The following CCSER1 variants were observed in gnomAD, a reference collection of about 807,000 sequenced individuals.
The protein encoded by CCSER1 is serine-rich coiled-coil domain-containing protein 1.
CCSER1 carries 41 observed loss-of-function variants against 82.0 expected under a neutral mutation model. The ratio of observed to expected loss-of-function variants is 0.50; its 90% CI spans 0.39 to 0.65. The LOEUF (loss-of-function observed/expected upper bound fraction) is 0.65, where lower values mean the gene tolerates loss of function less well. Ranked by LOEUF, CCSER1 falls within the 30% of genes least tolerant of loss-of-function variation. The pLI, the probability that CCSER1 is intolerant of heterozygous loss-of-function variation, is 0.00. For synonymous variants in CCSER1, 414 were observed against 383.9 expected (o/e 1.08, Z -0.92); for missense variants, 1,119 against 1,064.2 (o/e 1.05, Z -0.72).
intron 5 of CCSER1, among the ~76,000 whole-genome samples, chr4:90,583,897 C>G (rs1781696623): frequency 6.6e-6 from 1 of 151,622 alleles, no homozygotes; most frequent in South Asian, 2.1e-4. Flanking sequence ...TTGAAATATG[C>G]AGCAATTTAA....
chr4:90,978,312 T>C (rs1196048137), intron 9 of CCSER1, among the ~76,000 whole-genome samples: 3 of 151,586 alleles, frequency 2.0e-5, no homozygotes, highest in African/African-American at 7.3e-5. Context: ...TTCAAAGAAT[T>C]AATGTACACA....
At chr4:91,218,519 A>C (rs986412344) in intron 10 of CCSER1, among the ~76,000 whole-genome samples, 5 of 152,242 alleles carry the variant, frequency 3.3e-5, no homozygotes, top group African/African-American at 1.2e-4. Context: ...GACTGCCAGC[A>C]TGCTGTCACC....
chr4:91,444,506 A>C (rs537713979), intron 10 of CCSER1, among the ~76,000 whole-genome samples: 1 of 151,846 alleles, frequency 6.6e-6, no homozygotes, highest in African/African-American at 2.4e-5. Flanking sequence ...CTGGAGTGCA[A>C]TGGCACCATC....
chr4:90,351,783 A>G (rs1743493875), intron 3 of CCSER1, among the ~76,000 whole-genome samples: 1 of 152,106 alleles, frequency 6.6e-6, no homozygotes, highest in African/African-American at 2.4e-5. Context: ...TTTTTTGTCT[A>G]CTTTTTTGTC....
intron 10 of CCSER1, among the ~76,000 whole-genome samples, chr4:91,488,706 C>A (rs1299472349): frequency 1.3e-5 from 2 of 152,180 alleles, no homozygotes; most frequent in African/African-American, 4.8e-5. Context: ...CCTGAGGCCT[C>A]CTCAGCCATG....
chr4:91,507,586 C>A (rs571931185), intron 10 of CCSER1, among the ~76,000 whole-genome samples: 1 of 151,262 alleles, frequency 6.6e-6, no homozygotes. Flanking sequence ...ACATCTTTTG[C>A]CCATCTTTTT....
At chr4:91,315,848 TATC>T (rs1033493018) in intron 10 of CCSER1, among the ~76,000 whole-genome samples, 2 of 151,984 alleles carry the variant, frequency 1.3e-5, no homozygotes, top group South Asian at 2.1e-4. Flanking sequence ...TTGGGCAAGT[TATC>T]TGAGTTCTCT....
chr4:90,643,871 G>A (rs1416227622), intron 6 of CCSER1, among the ~76,000 whole-genome samples: 1 of 152,126 alleles, frequency 6.6e-6, no homozygotes, highest in Non-Finnish European at 1.5e-5. Context: ...GTCTGGCAAT[G>A]GAAGGATCTA....
In CCSER1 at chr4:91,412,188, C is replaced by G. The variant is rs553749316; in HGVS notation, c.2218-186384C>G. Among the ~76,000 whole-genome samples the G allele has an allele frequency of 4.6e-5, 7 of 152,196 alleles. No individual in the cohort carries two copies. The East Asian group carries it at 9.7e-4, about 21-fold the overall frequency. Reference sequence around the variant, plus strand: ...TCTAATCATGGTCCCAACTCCAGAGCCTATCCCCCTGTAAATATATCTATA... The same window carrying G: ...TCTAATCATGGTCCCAACTCCAGAGGCTATCCCCCTGTAAATATATCTATA... On this transcript the variant is annotated intron_variant, in intron 10 of 10. Transcript: ENST00000509176.
Position 91,176,245 on chromosome 4 carries a change from A to C in CCSER1, c.2217+90251A>C, listed in dbSNP as rs576452488. 1.2e-4 allele frequency among the ~76,000 whole-genome samples: 19 copies of C among 152,312 alleles called. 1 individual carries two copies. The South Asian group carries it at 3.9e-3, about 32-fold the overall frequency. ...ACTGTAGTCTTGCAGTACAGTTTGA[A>C]GTCAGGTAGCGTGATGCCTCCAGCT... On this transcript the variant is annotated intron_variant, in intron 10 of 10. Transcript: ENST00000509176.
chr4:91,359,311 A>G (rs1749090293), intron 10 of CCSER1, among the ~76,000 whole-genome samples: 1 of 151,798 alleles, frequency 6.6e-6, no homozygotes, highest in African/African-American at 2.4e-5. Context: ...AGGCAGGCCC[A>G]GGCCTGGTTT....
At chr4:91,104,715 G>A (rs899960775) in intron 10 of CCSER1, among the ~76,000 whole-genome samples, 6 of 152,112 alleles carry the variant, frequency 3.9e-5, no homozygotes, top group Admixed American at 2.6e-4. Flanking sequence ...TTTTATGCCA[G>A]CTCAAAATCA....
chr4:90,322,845 C>A (rs1465341280), intron 3 of CCSER1, among the ~76,000 whole-genome samples: 60 of 152,104 alleles, frequency 3.9e-4, no homozygotes, highest in Admixed American at 3.9e-3. Context: ...CCATTGCCAC[C>A]ACAGCTGGAA....
At chr4:90,133,549 T>C (rs900951623) in intron 1 of CCSER1, among the ~76,000 whole-genome samples, 5 of 152,206 alleles carry the variant, frequency 3.3e-5, no homozygotes, top group African/African-American at 1.2e-4. Flanking sequence ...TAAGTCCCAC[T>C]GCTGAAATAA....
At chr4:90,586,649 A>G (rs1782054515) in intron 5 of CCSER1, among the ~76,000 whole-genome samples, 1 of 152,256 alleles carries the variant, frequency 6.6e-6, no homozygotes, top group African/African-American at 2.4e-5. Flanking sequence ...TCTAGCAGCT[A>G]GAAATAAATC....
intron 8 of CCSER1, among the ~76,000 whole-genome samples, chr4:90,922,039 C>T (rs1278817440): frequency 1.3e-5 from 2 of 152,022 alleles, no homozygotes; most frequent in Non-Finnish European, 2.9e-5. Context: ...ACTTCTACCT[C>T]ACTCATGTAA....
intron 7 of CCSER1, among the ~76,000 whole-genome samples, chr4:90,797,994 C>G (rs61284322): frequency 0.35 from 52,894 of 151,946 alleles, 9,563 homozygotes; most frequent in African/African-American, 0.46. Flanking sequence ...TGGTTCTCTG[C>G]ATTTTATGAA....
At chr4:91,569,412 G>A (rs1389725448) in intron 10 of CCSER1, among the ~76,000 whole-genome samples, 1 of 152,112 alleles carries the variant, frequency 6.6e-6, no homozygotes, top group Non-Finnish European at 1.5e-5. Context: ...TTGTTTGGTT[G>A]TCTCCTGGGG....
chr4:91,230,596 G>A (rs1360020796), intron 10 of CCSER1, among the ~76,000 whole-genome samples: 1 of 151,824 alleles, frequency 6.6e-6, no homozygotes, highest in Non-Finnish European at 1.5e-5. Context: ...TACATGATTT[G>A]TGCCTATCTA....
Sources: gnomAD v4.1 joint callset for allele counts (sites outside exome capture counted in the v4.1 genomes callset) on GRCh38, gnomAD v4.1.1 for gene constraint, MANE v1.5 for transcripts, NCBI Gene and HGNC (gene_info 2026-07-23, HGNC 2026-07-21) for gene names.